The following CAPN9 variants were observed in gnomAD, a reference collection of about 807,000 sequenced individuals.
The protein encoded by CAPN9 is calpain-9.
In CAPN9, 81 loss-of-function variants were observed where a neutral mutation model predicts 92.8. The observed-to-expected ratio is 0.87, with a 90% CI of 0.73 to 1.05. CAPN9 has a LOEUF of 1.05. CAPN9 is among the 50% of genes least tolerant of loss of function. The pLI is 0.00. For missense variants in CAPN9, 848 were observed against 866.2 expected, an observed-to-expected ratio of 0.98 and a Z score of 0.26; for synonymous variants, 304 against 328.0, an observed-to-expected ratio of 0.93 and a Z score of 0.79.
chr1:230,776,551 T>C (rs1302170170), intron 8 of CAPN9: 1 of 152,206 alleles, frequency 6.6e-6, no homozygotes, highest in Non-Finnish European at 1.5e-5. Flanking sequence ...CACCAATGAC[T>C]CAAGGTAACA....
At chr1:230,776,515 C>T (rs567041806) in intron 8 of CAPN9, 2 of 152,338 alleles carry the variant, frequency 1.3e-5, no homozygotes, top group East Asian at 1.9e-4. Context: ...TTTAGAATTT[C>T]GTTGTGGCAG....
intron 9 of CAPN9, 66 bp downstream of exon 9, chr1:230,779,199 G>A: frequency 6.7e-7 from 1 of 1,487,144 alleles, no homozygotes; most frequent in Non-Finnish European, 9.3e-7. Context: ...GGACACCAAA[G>A]GATAAGGGCC....
rs557443495 is a variant in CAPN9, at chr1:230,755,755, G to T, written c.283+349G>T. Among the ~76,000 whole-genome samples the T allele has an allele frequency of 4.6e-5, 7 of 152,282 alleles. No individual in the cohort carries two copies. The South Asian group carries it at 1.5e-3, about 32-fold the overall frequency. On this transcript the variant is annotated intron_variant, in intron 2 of 19. Transcript: ENST00000271971. Reference sequence around the variant, plus strand: ...CGAGGTACTCTCCCCAGCACACATTGCCTCATTCCATCTTCACAACCCACC... The same window carrying T: ...CGAGGTACTCTCCCCAGCACACATTTCCTCATTCCATCTTCACAACCCACC...
At chr1:230,788,758 T>C (rs546779922) in intron 13 of CAPN9, among the ~76,000 whole-genome samples, 1 of 152,144 alleles carries the variant, frequency 6.6e-6, no homozygotes, top group African/African-American at 2.4e-5. Context: ...GGGAAGGCAG[T>C]GGTGACCTCC....
At chr1:230,774,716 C>A in intron 8 of CAPN9, 85 bp downstream of exon 8, 1 of 807,446 alleles carries the variant, frequency 1.2e-6, no homozygotes, top group Admixed American at 2.4e-5. Context: ...TTCTCTCTCG[C>A]TTTCCTTTTT....
chr1:230,752,554 G>C, intron 1 of CAPN9: 1 of 323,320 alleles, frequency 3.1e-6, no homozygotes, highest in Non-Finnish European at 4.5e-6. Context: ...TGCAGGCACA[G>C]TTGGTACGGT....
intron 13 of CAPN9, among the ~76,000 whole-genome samples, chr1:230,788,447 T>C (rs1572080926): frequency 6.6e-6 from 1 of 152,130 alleles, no homozygotes; most frequent in Non-Finnish European, 1.5e-5. Context: ...GGTGCTCTCT[T>C]GGAGCCATAA....
At position 230,772,024 on chromosome 1, in the gene CAPN9, G is replaced by T; in HGVS notation, c.800G>T (p.Arg267Leu). The T allele has an allele frequency of 1.2e-6, 2 of 1,614,092 alleles. No homozygotes were observed. The highest frequency in any genetic ancestry group is 1.7e-6 in the Non-Finnish European group (2 of 1,179,966). Residue 267 changes from arginine (R) to leucine (L), a missense_variant, in exon 7 of 20, where the codon CGA becomes CTA. Arg to Leu is a moderately radical substitution (Grantham distance 102). Transcript: ENST00000271971. ...SVTGIDQVSF[R>L]GQRIELIRIR... ...GCTTTTCCCTTCTAGGTAAGCTTCC[G>T]AGGCCAGAGAATCGAGCTCATCCGA... is the stretch of plus-strand genomic sequence containing the variant.
intron 9 of CAPN9, 119 bp downstream of exon 9, chr1:230,779,252 T>C: frequency 1.1e-6 from 1 of 914,640 alleles, no homozygotes; most frequent in Non-Finnish European, 1.6e-6. Context: ...GTTTCAAAAG[T>C]GACTGGGGAA....
rs1470298618 is a variant in CAPN9 at position 230,795,335 on chromosome 1, C to T, written c.1987+56C>T. On this transcript the variant is annotated intron_variant, in intron 18 of 19. Transcript: ENST00000271971. ...TCGGGGTGGCATCTTCAGTCACCCT[C>T]CATGAGCGCATGAGAAACAGCCTGG... is the stretch of plus-strand genomic sequence containing the variant. 6.9e-6 allele frequency: 7 copies of T among 1,020,950 alleles called. No individual in the cohort carries two copies. The African/African-American group carries it at 1.1e-4, about 16-fold the overall frequency. The allele number at this position is 1,020,950 out of a possible 1,614,324, so 63.2% of individuals were successfully genotyped here.
intron 7 of CAPN9, 151 bp downstream of exon 7, chr1:230,772,250 T>A: frequency 1.5e-6 from 1 of 646,220 alleles, no homozygotes. Flanking sequence ...CCCTTCTTCC[T>A]CCCCTTTCAG....
chr1:230,764,667 GTTTC>G (rs1225899681), intron 4 of CAPN9, among the ~76,000 whole-genome samples: 3 of 152,230 alleles, frequency 2.0e-5, no homozygotes, highest in African/African-American at 7.2e-5. Flanking sequence ...TGCTAAAATT[GTTTC>G]TTGTAGGAGT....
chr1:230,791,222 T>C (rs1667958094), intron 14 of CAPN9, among the ~76,000 whole-genome samples: 1 of 152,250 alleles, frequency 6.6e-6, no homozygotes, highest in African/African-American at 2.4e-5. Context: ...CATGTGTTTT[T>C]ACTTCTCCTG....
intron 1 of CAPN9, among the ~76,000 whole-genome samples, chr1:230,752,473 C>G (rs1664912169): frequency 6.6e-6 from 1 of 152,104 alleles, no homozygotes; most frequent in Non-Finnish European, 1.5e-5. Flanking sequence ...TGGTTTAAAA[C>G]AAAAACAAAA....
rs184506105 is a variant in CAPN9, at chr1:230,785,506, A to T, written c.1482-475A>T. On this transcript the variant is annotated intron_variant, in intron 11 of 19. Coordinates refer to ENST00000271971, the MANE Select transcript of CAPN9 (RefSeq NM_006615.3). The stretch of plus-strand genomic sequence containing the variant: ...GCTGTCTTCACGATAGTGAGTTTGC[A>T]CGAGATCTGGTTGTTTAAGGGTATT... 9.2e-3 allele frequency among the ~76,000 whole-genome samples: 1,403 copies of T among 152,210 alleles called. 8 individuals are homozygous for T. Among genetic ancestry groups the T allele is most frequent in the Non-Finnish European group, 0.016 (1,092 of 67,988 alleles).
chr1:230,790,115 T>G lies in CAPN9; in HGVS notation c.1600-17T>G. On this transcript the variant is annotated splice_polypyrimidine_tract_variant and intron_variant, in intron 13 of 19. Coordinates refer to ENST00000271971, the MANE Select transcript of CAPN9 (RefSeq NM_006615.3). ...GGTGCCAAGGGCTATAACAAACAAT[T>G]GTCTCCACTTCAACAGGACATGGAG... 6.2e-7 allele frequency: 1 copy of G among 1,602,866 alleles called. No homozygotes were observed. Among genetic ancestry groups the G allele is most frequent in the Non-Finnish European group, 8.5e-7 (1 of 1,169,806 alleles).
intron 8 of CAPN9, among the ~76,000 whole-genome samples, chr1:230,777,437 C>T (rs1209594178): frequency 6.6e-6 from 1 of 152,088 alleles, no homozygotes; most frequent in African/African-American, 2.4e-5. Context: ...CATTCTTCAC[C>T]AGCTCTAGGA....
Position 230,747,402 on chromosome 1 carries a change from C to A in CAPN9, c.-95C>A. ...GAGGGCCACTCAGCCCAGTGGCCCT[C>A]TGAGCTGTTCCTTCTTGACCGGCAC... On this transcript the variant is annotated 5_prime_UTR_variant, in exon 1 of 20. In the 5' UTR this introduces an upstream ATG that the reference lacks. Transcript: ENST00000271971. 1 of 1,118,244 alleles carries A rather than the reference C, an allele frequency of 8.9e-7. No homozygotes were observed. The highest frequency in any genetic ancestry group is 1.4e-6 in the Non-Finnish European group (1 of 734,902). 69.3% of individuals were successfully genotyped at this position (1,118,244 alleles called of 1,614,324 possible).
At chr1:230,772,994 C>A (rs1482572740) in intron 7 of CAPN9, among the ~76,000 whole-genome samples, 1 of 151,962 alleles carries the variant, frequency 6.6e-6, no homozygotes, top group Non-Finnish European at 1.5e-5. Flanking sequence ...GCTTGTTGGG[C>A]TCCTGAAGCC....
Sources: allele counts gnomAD v4.1 joint callset (sites outside exome capture counted in the v4.1 genomes callset), GRCh38; gene constraint gnomAD v4.1.1; transcripts MANE v1.5; gene names NCBI Gene and HGNC (gene_info 2026-07-23, HGNC 2026-07-21).